BANK1: variants seen among roughly 807,000 people sequenced by gnomAD.
BANK1 encodes B-cell scaffold protein with ankyrin repeats.
BANK1 carries 95 observed loss-of-function variants against 94.5 expected under a neutral mutation model. That is an observed-to-expected ratio of 1.00 (90% CI 0.85 to 1.19). BANK1 has a LOEUF of 1.19. Ranked by LOEUF, BANK1 falls within the 50% of genes most tolerant of loss-of-function variation. The pLI is 0.00. For synonymous variants in BANK1, 334 were observed against 308.4 expected, an observed-to-expected ratio of 1.08 and a Z score of -0.87; for missense variants, 987 against 932.2, an observed-to-expected ratio of 1.06 and a Z score of -0.77.
chr4:101,802,908 C>T (rs2148850975), intron 1 of BANK1, among the ~76,000 whole-genome samples: 1 of 152,218 alleles, frequency 6.6e-6, no homozygotes, highest in South Asian at 2.1e-4. Flanking sequence ...ACTTCCATGG[C>T]TTTATTCCTT....
chr4:101,938,095 G>C (rs1260515672), intron 7 of BANK1, among the ~76,000 whole-genome samples: 1 of 151,720 alleles, frequency 6.6e-6, no homozygotes, highest in Non-Finnish European at 1.5e-5. Context: ...GTCAGGGGTG[G>C]GGGTCTAGGG....
chr4:102,020,788 A>G (rs1726867671), intron 7 of BANK1, among the ~76,000 whole-genome samples: 1 of 152,150 alleles, frequency 6.6e-6, no homozygotes, highest in Non-Finnish European at 1.5e-5. Flanking sequence ...AACAAAACAC[A>G]TCCTATGTGA....
chr4:102,049,173 C>G (rs1298825536), intron 11 of BANK1, among the ~76,000 whole-genome samples: 1 of 152,098 alleles, frequency 6.6e-6, no homozygotes, highest in East Asian at 1.9e-4. Context: ...TTTCCAGTGA[C>G]TGGATTGCTT....
At chr4:101,824,437 G>A (rs1412373855) in intron 1 of BANK1, among the ~76,000 whole-genome samples, 2 of 152,186 alleles carry the variant, frequency 1.3e-5, no homozygotes, top group Non-Finnish European at 2.9e-5. Context: ...AGTGGAATTA[G>A]CCACTTTCCC....
chr4:101,800,356 CCTT>C lies in BANK1; in HGVS notation c.70+9409_70+9411del, dbSNP rs375355936. Among the ~76,000 whole-genome samples the C allele has an allele frequency of 2.9e-3, 441 of 151,110 alleles. 2 individuals are homozygous for C. Among genetic ancestry groups the C allele is most frequent in the African/African-American group, 0.01 (414 of 41,316 alleles). ...CTTCTTCTATGTTTCTGGAGCTCCT[CCTT>C]CTCTTCTTCCCATTCCTCTCCTCTT... On this transcript the variant is annotated intron_variant, in intron 1 of 16. Coordinates refer to ENST00000322953, the MANE Select transcript of BANK1 (RefSeq NM_017935.5).
At chr4:101,911,873 C>CA (rs1722675529) in intron 6 of BANK1, among the ~76,000 whole-genome samples, 1 of 152,170 alleles carries the variant, frequency 6.6e-6, no homozygotes, top group African/African-American at 2.4e-5. Context: ...TCTGGACCAA[C>CA]ACACAAATTG....
chr4:101,956,290 C>G (rs1560651709), intron 7 of BANK1, among the ~76,000 whole-genome samples: 1 of 152,174 alleles, frequency 6.6e-6, no homozygotes, highest in Non-Finnish European at 1.5e-5. Flanking sequence ...TTCCTCAAGG[C>G]TCTATCCTGT....
At chr4:101,927,506 T>A in intron 7 of BANK1, among the ~76,000 whole-genome samples, 1 of 151,630 alleles carries the variant, frequency 6.6e-6, no homozygotes, top group East Asian at 1.9e-4. Flanking sequence ...AGATAAGACC[T>A]GACTGGCAAC....
At chr4:101,839,558 T>C (rs1726954267) in intron 2 of BANK1, among the ~76,000 whole-genome samples, 2 of 152,172 alleles carry the variant, frequency 1.3e-5, no homozygotes, top group South Asian at 2.1e-4. Context: ...TTTATTCAAG[T>C]ACTTTTGCAG....
chr4:101,912,066 C>T (rs1190444550), intron 6 of BANK1, among the ~76,000 whole-genome samples: 4 of 152,100 alleles, frequency 2.6e-5, no homozygotes, highest in Admixed American at 6.6e-5. Context: ...CACACACACA[C>T]AGAGGAGGTA....
At chr4:101,836,313 C>G (rs1328176048) in intron 2 of BANK1, among the ~76,000 whole-genome samples, 3 of 152,034 alleles carry the variant, frequency 2.0e-5, no homozygotes, top group Non-Finnish European at 4.4e-5. Context: ...AACCCAGTCT[C>G]TACTGAAAAT....
At chr4:101,997,182 G>A (rs1426110669) in intron 7 of BANK1, among the ~76,000 whole-genome samples, 3 of 152,278 alleles carry the variant, frequency 2.0e-5, no homozygotes, top group African/African-American at 4.8e-5. Flanking sequence ...CGTCTATTGA[G>A]ATAATCAAGT....
intron 9 of BANK1, among the ~76,000 whole-genome samples, chr4:102,026,935 G>A (rs1278935019): frequency 6.6e-6 from 1 of 152,098 alleles, no homozygotes; most frequent in Non-Finnish European, 1.5e-5. Flanking sequence ...TTTAGAGATG[G>A]AAAGTACTGC....
rs1191035042 is a variant in BANK1 at position 101,957,885 on chromosome 4, C to T, written c.1206+39696C>T. On this transcript the variant is annotated intron_variant, in intron 7 of 16. Transcript: ENST00000322953. ...TTTGAGACGGAGTCTCGCTCTGTCG[C>T]CCAGGCTGGAATGCAGTGGCCTGAT... Among the ~76,000 whole-genome samples, 3 of 147,240 alleles carry T rather than the reference C, an allele frequency of 2.0e-5. No homozygotes were observed. The South Asian group carries it at 6.4e-4, about 31-fold the overall frequency.
chr4:102,047,554 G>C (rs1560707513), intron 11 of BANK1, among the ~76,000 whole-genome samples: 1 of 152,084 alleles, frequency 6.6e-6, no homozygotes, highest in Non-Finnish European at 1.5e-5. Context: ...ATTAAACAAA[G>C]TAGATAAGAT....
chr4:101,850,261 GTTT>G (rs1727422624), intron 2 of BANK1, among the ~76,000 whole-genome samples: 3 of 151,888 alleles, frequency 2.0e-5, no homozygotes, highest in Non-Finnish European at 4.4e-5. Context: ...TTGTTTGTTT[GTTT>G]GTTTGGTTGG....
At chr4:101,964,475 GA>G (rs34198611) in intron 7 of BANK1, among the ~76,000 whole-genome samples, 1 of 151,470 alleles carries the variant, frequency 6.6e-6, no homozygotes, top group Non-Finnish European at 1.5e-5. Flanking sequence ...CCTACTTTGG[GA>G]AAAAAAGTGT....
At chr4:102,002,361 G>A (rs1168996321) in intron 7 of BANK1, among the ~76,000 whole-genome samples, 4 of 148,798 alleles carry the variant, frequency 2.7e-5, no homozygotes, top group Non-Finnish European at 3.0e-5. Flanking sequence ...TTCTTCCTTT[G>A]TGGAAAAAAA....
chr4:101,989,643 T>A (rs1055630483), intron 7 of BANK1, among the ~76,000 whole-genome samples: 2 of 151,834 alleles, frequency 1.3e-5, no homozygotes, highest in Admixed American at 1.3e-4. Flanking sequence ...GGACAGCTTT[T>A]TTTTTTCTCT....
Sources: allele counts gnomAD v4.1 joint callset (sites outside exome capture counted in the v4.1 genomes callset), GRCh38; gene constraint gnomAD v4.1.1; transcripts MANE v1.5; gene names NCBI Gene and HGNC (gene_info 2026-07-23, HGNC 2026-07-21).